The following PTBP3 variants were observed in gnomAD, a reference collection of about 807,000 sequenced individuals.
PTBP3 encodes polypyrimidine tract binding protein 3.
A neutral mutation model predicts 58.7 loss-of-function variants in PTBP3; 20 were observed. The ratio of observed to expected loss-of-function variants is 0.34; its 90% CI spans 0.24 to 0.50. PTBP3 has a LOEUF of 0.50. Ranked by LOEUF, PTBP3 falls within the 20% of genes least tolerant of loss-of-function variation. The probability of loss-of-function intolerance (pLI) is 0.98; values close to 1 mark genes in which losing one functional copy is unlikely to be tolerated. For synonymous variants in PTBP3, 185 were observed against 219.8 expected, an observed-to-expected ratio of 0.84 and a Z score of 1.40; for missense variants, 509 against 637.2, an observed-to-expected ratio of 0.80 and a Z score of 2.17.
chr9:112,237,339 C>G (rs1835474165), intron 7 of PTBP3, among the ~76,000 whole-genome samples: 1 of 152,098 alleles, frequency 6.6e-6, no homozygotes, highest in African/African-American at 2.4e-5. Flanking sequence ...GGCAATTACA[C>G]AAACCTTTAA....
chr9:112,238,324 G>A (rs1835514347), intron 7 of PTBP3, among the ~76,000 whole-genome samples: 2 of 152,266 alleles, frequency 1.3e-5, no homozygotes, highest in South Asian at 4.1e-4. Flanking sequence ...TTATAGGACA[G>A]ATTTAACGAC....
the PTBP3 span, among the ~76,000 whole-genome samples, chr9:112,369,394 A>G: frequency 6.6e-6 from 1 of 151,910 alleles, no homozygotes; most frequent in African/African-American, 2.4e-5. Context: ...GACCATGAGA[A>G]CTCACCACTT....
In PTBP3 at chr9:112,244,268, C is replaced by T. The variant is rs372568356; in HGVS notation, c.802+6661G>A. On this transcript the variant is annotated intron_variant, in intron 7 of 13. Coordinates refer to ENST00000374257, the MANE Select transcript of PTBP3 (RefSeq NM_001163788.4). The stretch of plus-strand genomic sequence containing the variant: ...TCATGACACTGCACTCCAGCCTGGG[C>T]AACAGAGTGAGACTCTGTCTCAAAA... Among the ~76,000 whole-genome samples, 215 of 62,818 alleles carry T rather than the reference C, an allele frequency of 3.4e-3. 2 individuals are homozygous for T. Among genetic ancestry groups the T allele is most frequent in the South Asian group, 0.014 (20 of 1,400 alleles). The allele number at this position is 62,818 out of a possible 152,430, so 41.2% of individuals were successfully genotyped here. A position where few individuals can be genotyped will look rare whatever the true frequency, so the allele number is the denominator to read the frequency against.
chr9:112,279,689 C>T (rs1383677308), intron 2 of PTBP3, among the ~76,000 whole-genome samples: 1 of 151,960 alleles, frequency 6.6e-6, no homozygotes, highest in East Asian at 2.0e-4. Flanking sequence ...CAGATTACTA[C>T]AGCTTTATCA....
chr9:112,276,806 T>C (rs958249649), intron 2 of PTBP3, among the ~76,000 whole-genome samples: 1 of 152,176 alleles, frequency 6.6e-6, no homozygotes, highest in African/African-American at 2.4e-5. Flanking sequence ...TGAGAATAAC[T>C]AGAATTGACA....
In PTBP3 at chr9:112,227,646, AT is replaced by A. The variant is rs1416100118; in HGVS notation, c.1148-20del. The A allele has an allele frequency of 6.3e-7, 1 of 1,596,934 alleles. No individual in the cohort carries two copies. Among genetic ancestry groups the A allele is most frequent in the Non-Finnish European group, 8.6e-7 (1 of 1,164,582 alleles). On this transcript the variant is annotated intron_variant, in intron 11 of 13. Coordinates refer to ENST00000374257, the MANE Select transcript of PTBP3 (RefSeq NM_001163788.4). ...TTCATTGCTAGTGCATGGGAAGAAA[AT>A]TTTAAAGTTTGAGTATTAGGATAGA...
At chr9:112,281,293 G>C (rs1046238370) in intron 2 of PTBP3, 1 of 181,472 alleles carries the variant, frequency 5.5e-6, no homozygotes, top group African/African-American at 2.4e-5. Context: ...ACCAACTATT[G>C]CTTACAATAC....
intron 1 of PTBP3, among the ~76,000 whole-genome samples, chr9:112,329,228 T>G (rs1041364612): frequency 1.3e-5 from 2 of 152,066 alleles, no homozygotes; most frequent in Non-Finnish European, 2.9e-5. Context: ...CTGGGCAACG[T>G]GTCGAAACCC....
At chr9:112,297,968 C>A in intron 1 of PTBP3, 52 bp from the exon 2 acceptor site, 1 of 1,374,638 alleles carries the variant, frequency 7.3e-7, no homozygotes, top group South Asian at 1.2e-5. Flanking sequence ...AGATAATGGT[C>A]CATATTTACT....
chr9:112,379,375 G>A, the PTBP3 span, among the ~76,000 whole-genome samples: 1 of 152,190 alleles, frequency 6.6e-6, no homozygotes, highest in Admixed American at 6.5e-5. Context: ...TTAGTCCAAG[G>A]CATAATCCCA....
the PTBP3 span, among the ~76,000 whole-genome samples, chr9:112,351,313 A>G: frequency 1.3e-5 from 2 of 152,190 alleles, no homozygotes; most frequent in African/African-American, 2.4e-5. Context: ...TTCAAGTGGA[A>G]CTTGTTTTTC....
the PTBP3 span, among the ~76,000 whole-genome samples, chr9:112,354,506 A>AC: frequency 6.6e-5 from 10 of 151,982 alleles, no homozygotes; most frequent in African/African-American, 2.2e-4. Flanking sequence ...TCTCCATACC[A>AC]CCCCCCTGGG....
the PTBP3 span, among the ~76,000 whole-genome samples, chr9:112,358,540 A>T: frequency 6.6e-6 from 1 of 152,246 alleles, no homozygotes; most frequent in Admixed American, 6.5e-5. Flanking sequence ...AAACAGTCCC[A>T]GTTCTAGAAA....
At chr9:112,228,169 T>C (rs1453442634) in intron 11 of PTBP3, among the ~76,000 whole-genome samples, 2 of 152,184 alleles carry the variant, frequency 1.3e-5, no homozygotes, top group Admixed American at 1.3e-4. Context: ...ATTAACAATA[T>C]GTTCACGTAG....
the PTBP3 span, among the ~76,000 whole-genome samples, chr9:112,376,156 G>GATATATATATATAT: frequency 0.022 from 2,541 of 116,520 alleles, 76 homozygotes; most frequent in African/African-American, 0.049. Context: ...TTCTCTAGAG[G>GATATATATATATAT]ATATATATAT....
At chr9:112,293,140 C>T (rs753829658) in intron 2 of PTBP3, among the ~76,000 whole-genome samples, 10 of 152,054 alleles carry the variant, frequency 6.6e-5, no homozygotes, top group Non-Finnish European at 1.3e-4. Flanking sequence ...GGACGATATA[C>T]TATATTTATT....
At chr9:112,309,598 CA>C (rs1301747416) in intron 1 of PTBP3, among the ~76,000 whole-genome samples, 1 of 151,920 alleles carries the variant, frequency 6.6e-6, no homozygotes, top group Non-Finnish European at 1.5e-5. Context: ...CCAGTCTGGC[CA>C]ACATGATGAA....
chr9:112,300,225 G>C (rs1373471735), intron 1 of PTBP3, among the ~76,000 whole-genome samples: 1 of 150,162 alleles, frequency 6.7e-6, no homozygotes, highest in Non-Finnish European at 1.5e-5. Flanking sequence ...GAATATCCTA[G>C]GATCCTTACA....
intron 1 of PTBP3, among the ~76,000 whole-genome samples, chr9:112,305,889 G>C (rs977792748): frequency 3.9e-5 from 6 of 152,110 alleles, no homozygotes; most frequent in Admixed American, 3.3e-4. Flanking sequence ...GCAGTGAGCC[G>C]AGACCGCGCC....
Sources: gnomAD v4.1 joint callset for allele counts (sites outside exome capture counted in the v4.1 genomes callset) on GRCh38, gnomAD v4.1.1 for gene constraint, MANE v1.5 for transcripts, NCBI Gene and HGNC (gene_info 2026-07-23, HGNC 2026-07-21) for gene names.